The following ABCC9 variants were observed in gnomAD, a reference collection of about 807,000 sequenced individuals.
The protein encoded by ABCC9 is ATP binding cassette subfamily C member 9, also known as ATP-binding cassette sub-family C member 9.
A neutral mutation model predicts 188.3 loss-of-function variants in ABCC9; 95 were observed. The ratio of observed to expected loss-of-function variants is 0.50; its 90% confidence interval spans 0.43 to 0.60. The LOEUF (loss-of-function observed/expected upper bound fraction) is 0.60. ABCC9 is among the 20% of genes least tolerant of loss of function. The probability of loss-of-function intolerance (pLI) is 0.00; values close to 1 mark genes in which losing one functional copy is unlikely to be tolerated. For synonymous variants in ABCC9, 659 were observed against 652.7 expected (o/e 1.01, Z -0.15); for missense variants, 1,102 against 1,876.3 (o/e 0.59, Z 7.62).
At chr12:21,851,969 A>G in intron 24 of ABCC9, 128 bp downstream of exon 24, 2 of 1,129,216 alleles carry the variant, frequency 1.8e-6, no homozygotes, top group Non-Finnish European at 2.5e-6. Context: ...ATTGCTTTGG[A>G]TTTCAGATAA....
At chr12:21,871,091 TTAATGATGG>T (rs1946048683) in intron 18 of ABCC9, among the ~76,000 whole-genome samples, 1 of 152,188 alleles carries the variant, frequency 6.6e-6, no homozygotes, top group South Asian at 2.1e-4. Flanking sequence ...TCTCTCTGTT[TTAATGATGG>T]TAAATCAGGA....
intron 18 of ABCC9, 61 bp from the exon 19 acceptor site, chr12:21,864,538 T>C: frequency 8.6e-7 from 1 of 1,160,366 alleles, no homozygotes; most frequent in Non-Finnish European, 1.3e-6. Flanking sequence ...CCAATGTGCA[T>C]ACACGTCAGG....
chr12:21,830,111 G>C (rs1328932078), intron 30 of ABCC9, among the ~76,000 whole-genome samples: 1 of 152,014 alleles, frequency 6.6e-6, no homozygotes, highest in Non-Finnish European at 1.5e-5. Context: ...TTAATTCTTG[G>C]TGCTCAATAA....
rs193922684 is a variant in ABCC9, at chr12:21,913,072, GA to G, written c.817-7del. The G allele has an allele frequency of 0.014, 18,222 of 1,289,664 alleles. 75 individuals carry two copies. The highest frequency in any genetic ancestry group is 0.029 in the Middle Eastern group (143 of 4,908). 79.9% of individuals were successfully genotyped at this position (1,289,664 alleles called of 1,614,324 possible). A position where few individuals can be genotyped will look rare whatever the true frequency, so the allele number is the denominator to read the frequency against. On this transcript the variant is annotated splice_region_variant and splice_polypyrimidine_tract_variant and intron_variant, in intron 7 of 39. Transcript: ENST00000261200. ...GGATGATCTGCAACTTTTTTCTGAAGAAAAAAAAAAGAAAAAAAAAACAGAT... is the reference window on the plus strand; with the variant it reads ...GGATGATCTGCAACTTTTTTCTGAAGAAAAAAAAAGAAAAAAAAAACAGAT...
intron 18 of ABCC9, among the ~76,000 whole-genome samples, chr12:21,866,282 A>C (rs878880294): frequency 1.2e-3 from 176 of 152,290 alleles, no homozygotes; most frequent in African/African-American, 3.9e-3. Flanking sequence ...CTACTGAAAA[A>C]GGTTTAAACA....
intron 5 of ABCC9, among the ~76,000 whole-genome samples, chr12:21,922,747 T>G (rs1467832588): frequency 7.6e-6 from 1 of 132,372 alleles, no homozygotes; most frequent in Non-Finnish European, 1.5e-5. Flanking sequence ...AGCTTTTTTT[T>G]TTTCTTTTTT....
Position 21,818,176 on chromosome 12 carries a change from C to T in ABCC9, c.3745G>A (p.Gly1249Ser). The T allele has an allele frequency of 6.2e-7, 1 of 1,613,778 alleles. No homozygotes were observed. The highest frequency in any genetic ancestry group is 1.6e-4 in the Middle Eastern group (1 of 6,062). ...GTAAGTGCATACAGAAGACCCAAGC[C>T]TACCAATCCAGAATTCGAAGACCCA... is the stretch of plus-strand genomic sequence containing the variant. ...ISGSSNSGLV[G>S]LGLLYALTIT... Residue 1249 changes from glycine to serine, a missense_variant, in exon 32 of 40, where the codon GGC becomes AGC. This residue lies in a region of ABCC9 where 143 missense variants were observed against 225.6 expected (regional missense o/e 0.63). Transcript: ENST00000261200.
chr12:21,838,202 T>A (rs1944201629), intron 29 of ABCC9, 32 bp from the exon 30 acceptor site: 1 of 1,404,024 alleles, frequency 7.1e-7, no homozygotes, highest in African/African-American at 1.4e-5. Flanking sequence ...ATAAACTTCA[T>A]GTGCATCCAG....
intron 4 of ABCC9, among the ~76,000 whole-genome samples, chr12:21,930,995 G>C (rs1177002103): frequency 6.6e-6 from 1 of 152,064 alleles, no homozygotes; most frequent in Admixed American, 6.6e-5. Flanking sequence ...ATTTTTTAAA[G>C]TACCTGAGTT....
intron 18 of ABCC9, among the ~76,000 whole-genome samples, chr12:21,868,433 A>G (rs1441799573): frequency 2.0e-5 from 3 of 152,156 alleles, no homozygotes; most frequent in Non-Finnish European, 4.4e-5. Flanking sequence ...AGGTCAGGAG[A>G]TCGAGACCAT....
chr12:21,800,832 T>G lies in ABCC9; in HGVS notation c.*212A>C, dbSNP rs1941390849. 1.8e-6 allele frequency: 1 copy of G among 566,948 alleles called. No homozygotes were observed. Among genetic ancestry groups the G allele is most frequent in the Non-Finnish European group, 3.1e-6 (1 of 322,478 alleles). 35.1% of individuals were successfully genotyped at this position (566,948 alleles called of 1,614,324 possible). A position where few individuals can be genotyped will look rare whatever the true frequency, so the allele number is the denominator to read the frequency against. On this transcript the variant is annotated 3_prime_UTR_variant, in exon 40 of 40. Coordinates refer to ENST00000261200, the MANE Select transcript of ABCC9 (RefSeq NM_020297.4). The stretch of plus-strand genomic sequence containing the variant: ...AACCTAGCTATTCTTAAAGCTAGAG[T>G]GGCTGGATCACTATAAAAACATCAA...
chr12:21,813,527 G>T (rs1362751786), intron 35 of ABCC9, among the ~76,000 whole-genome samples: 1 of 152,038 alleles, frequency 6.6e-6, no homozygotes, highest in Non-Finnish European at 1.5e-5. Flanking sequence ...AGTTCACATG[G>T]GACCTGAAAT....
rs142972413 is a variant in ABCC9, at chr12:21,903,753, A to G, written c.1618+2373T>C. On this transcript the variant is annotated intron_variant, in intron 12 of 39. Transcript: ENST00000261200. ...ATGAAGGACCTCTTCAAGGAGAACT[A>G]CAAACCACTGCTCAATGAAATAAAA... Among the ~76,000 whole-genome samples, 492 of 152,372 alleles carry G rather than the reference A, an allele frequency of 3.2e-3. 3 individuals carry two copies. Among genetic ancestry groups the G allele is most frequent in the African/African-American group, 0.011 (468 of 41,588 alleles).
intron 5 of ABCC9, among the ~76,000 whole-genome samples, chr12:21,919,046 C>T (rs924110233): frequency 6.6e-6 from 1 of 151,756 alleles, no homozygotes; most frequent in African/African-American, 2.4e-5. Context: ...TCAAGAAGTA[C>T]AACTAAAATA....
intron 12 of ABCC9, 136 bp from the exon 13 acceptor site, chr12:21,895,451 T>A (rs2137748942): frequency 1.3e-6 from 1 of 753,030 alleles, no homozygotes; most frequent in East Asian, 2.7e-5. Context: ...TTGTCTGGAG[T>A]CCACAAACAT....
intron 30 of ABCC9, among the ~76,000 whole-genome samples, chr12:21,837,291 G>A (rs759512794): frequency 6.6e-5 from 10 of 152,154 alleles, no homozygotes; most frequent in Non-Finnish European, 1.0e-4. Context: ...TTATGTAGAC[G>A]TGCTGTGGAA....
rs774995037 is a variant in ABCC9, at chr12:21,910,878, G to C, written c.1112C>G (p.Ala371Gly). ...ALILQRTFLQ[A>G]SYYVTIETGI... ...AGTCTCTATGGTTACATAGTAGGAA[G>C]CCTGCAAAAATGTCCTTTGCAGAAT... The change falls in exon 9 of 40, where the codon GCT (alanine) becomes GGT (glycine). Residue 371 changes from alanine (A) to glycine (G), a missense_variant. Ala to Gly is a moderately conservative substitution (Grantham distance 60). Transcript: ENST00000261200. 3 of 1,612,446 alleles carry C rather than the reference G, an allele frequency of 1.9e-6. No individual in the cohort carries two copies. Among genetic ancestry groups the C allele is most frequent in the Non-Finnish European group, 2.5e-6 (3 of 1,178,774 alleles).
At position 21,859,616 on chromosome 12, in the gene ABCC9, C is replaced by A. The variant is rs587780845; in HGVS notation, c.2475G>T (p.Ala825=). The A allele has an allele frequency of 8.7e-6, 14 of 1,613,760 alleles. No individual in the cohort carries two copies. Residue 825 remains alanine, a synonymous_variant, in exon 22 of 40, where the codon GCG becomes GCT. Transcript: ENST00000261200. ...AGACAATGTTGGTGTTTTGATACAGCGCTCGTGCCACACAGATTCTCTGCC... is the reference window on the plus strand; with the variant it reads ...AGACAATGTTGGTGTTTTGATACAGAGCTCGTGCCACACAGATTCTCTGCC... ...GQRQRICVAR[A]LYQNTNIVFL...
intron 31 of ABCC9, chr12:21,828,563 C>T (rs756915871): frequency 1.1e-4 from 32 of 284,934 alleles, no homozygotes; most frequent in Non-Finnish European, 1.9e-4. Context: ...CTAACATGAC[C>T]CTCCACTGGC....
Sources: allele counts gnomAD v4.1 joint callset (sites outside exome capture counted in the v4.1 genomes callset), GRCh38; gene constraint gnomAD v4.1.1; regional missense constraint gnomAD v4.1.1; transcripts MANE v1.5; gene names NCBI Gene and HGNC (gene_info 2026-07-23, HGNC 2026-07-21).